Variants in SNCAIP observed in about 807,000 individuals in gnomAD.
SNCAIP encodes synphilin-1.
In SNCAIP, 43 loss-of-function variants were observed where a neutral mutation model predicts 86.7. The observed-to-expected ratio is 0.50, with a 90% CI of 0.39 to 0.64. The LOEUF (loss-of-function observed/expected upper bound fraction) is 0.64, where lower values mean the gene tolerates loss of function less well. SNCAIP is among the 30% of genes least tolerant of loss of function. SNCAIP has a pLI of 0.00. For synonymous variants in SNCAIP, 417 were observed against 427.2 expected (o/e 0.98, Z 0.29); for missense variants, 981 against 1,103.1 (o/e 0.89, Z 1.57).
intron 3 of SNCAIP, among the ~76,000 whole-genome samples, chr5:122,406,731 C>T (rs996853455): frequency 9.9e-5 from 15 of 152,198 alleles, no homozygotes; most frequent in African/African-American, 3.6e-4. Context: ...TTGGAAGCTT[C>T]CTGAGGCTGT....
intron 1 of SNCAIP, among the ~76,000 whole-genome samples, chr5:122,358,157 CTT>C (rs1761417619): frequency 8.5e-6 from 1 of 117,206 alleles, no homozygotes; most frequent in African/African-American, 3.3e-5. Flanking sequence ...AAATTTGTTT[CTT>C]TGTGTGTGTG....
At chr5:122,350,776 G>T (rs974491289) in intron 1 of SNCAIP, among the ~76,000 whole-genome samples, 12 of 152,162 alleles carry the variant, frequency 7.9e-5, no homozygotes, top group African/African-American at 2.9e-4. Context: ...ACCAAAAGTT[G>T]GGCCTCAAAT....
chr5:122,411,361 C>T (rs1049526567), intron 3 of SNCAIP, among the ~76,000 whole-genome samples: 1 of 152,156 alleles, frequency 6.6e-6, no homozygotes, highest in Non-Finnish European at 1.5e-5. Context: ...CCCATCTTCC[C>T]ATACTTTTTA....
chr5:122,345,426 T>C (rs576909226), intron 1 of SNCAIP, among the ~76,000 whole-genome samples: 1 of 152,286 alleles, frequency 6.6e-6, no homozygotes, highest in Non-Finnish European at 1.5e-5. Flanking sequence ...ATCCTAGGGC[T>C]ATGGATTGGG....
At chr5:122,446,357 G>GT (rs998773694) in intron 8 of SNCAIP, among the ~76,000 whole-genome samples, 2 of 152,182 alleles carry the variant, frequency 1.3e-5, no homozygotes, top group Admixed American at 1.3e-4. Flanking sequence ...CCAAAGGAAT[G>GT]TTTTTTCTAA....
At chr5:122,397,656 T>C (rs1285653049) in intron 2 of SNCAIP, among the ~76,000 whole-genome samples, 2 of 152,152 alleles carry the variant, frequency 1.3e-5, no homozygotes, top group East Asian at 3.9e-4. Flanking sequence ...CAGAGTCTAA[T>C]AGAGGTATGA....
chr5:122,440,738 A>G lies in SNCAIP; in HGVS notation c.1406A>G (p.Tyr469Cys), dbSNP rs772180271. ...SAVHVASQHG[Y>C]LGCIQTLVEY... ...GTTCACGTAGCCTCACAGCATGGCTACCTTGGATGCATACAGGTACACAGG... is the reference window on the plus strand; with the variant it reads ...GTTCACGTAGCCTCACAGCATGGCTGCCTTGGATGCATACAGGTACACAGG... Residue 469 changes from tyrosine to cysteine, a missense_variant, in exon 7 of 11, where the codon TAC becomes TGC. Coordinates refer to ENST00000261368, the MANE Select transcript of SNCAIP (RefSeq NM_005460.4). The G allele has an allele frequency of 6.2e-7, 1 of 1,614,096 alleles. No individual in the cohort carries two copies. Among genetic ancestry groups the G allele is most frequent in the Admixed American group, 1.7e-5 (1 of 60,018 alleles).
At chr5:122,417,061 A>C (rs926578253) in intron 3 of SNCAIP, among the ~76,000 whole-genome samples, 3 of 152,216 alleles carry the variant, frequency 2.0e-5, no homozygotes, top group African/African-American at 4.8e-5. Context: ...GTCTCAAGCT[A>C]ATTTTCTAAT....
At chr5:122,343,108 A>AGT (rs1757919239) in intron 1 of SNCAIP, among the ~76,000 whole-genome samples, 2 of 152,350 alleles carry the variant, frequency 1.3e-5, no homozygotes, top group African/African-American at 4.8e-5. Flanking sequence ...CCTCATACCA[A>AGT]CCAGATTTTC....
At chr5:122,390,358 G>T (rs1561648417) in intron 1 of SNCAIP, among the ~76,000 whole-genome samples, 1 of 152,118 alleles carries the variant, frequency 6.6e-6, no homozygotes, top group Non-Finnish European at 1.5e-5. Context: ...GAAGTGGGAG[G>T]TGATGTATCC....
chr5:122,438,919 G>T (rs538415040), intron 6 of SNCAIP, among the ~76,000 whole-genome samples: 2 of 152,294 alleles, frequency 1.3e-5, no homozygotes, highest in African/African-American at 2.4e-5. Context: ...CTGTTTCACT[G>T]GTAGAGGTAC....
At chr5:122,385,110 A>G (rs948832942) in intron 1 of SNCAIP, among the ~76,000 whole-genome samples, 2 of 152,028 alleles carry the variant, frequency 1.3e-5, no homozygotes, top group Admixed American at 6.6e-5. Context: ...GTTATCTCCA[A>G]GGTCTAGATT....
chr5:122,339,510 G>A (rs1757143047), intron 1 of SNCAIP, among the ~76,000 whole-genome samples: 2 of 148,070 alleles, frequency 1.4e-5, no homozygotes, highest in Admixed American at 1.3e-4. Context: ...CAAAGGGGGA[G>A]AGGCAGTTGG....
chr5:122,327,764 T>A, intron 1 of SNCAIP, among the ~76,000 whole-genome samples: 1 of 152,216 alleles, frequency 6.6e-6, no homozygotes, highest in Non-Finnish European at 1.5e-5. Flanking sequence ...CGGACTTATA[T>A]AGGTACATTT....
chr5:122,323,592 A>G (rs550689727), intron 1 of SNCAIP, among the ~76,000 whole-genome samples: 1 of 152,356 alleles, frequency 6.6e-6, no homozygotes, highest in South Asian at 2.1e-4. Context: ...TATTTGAAAA[A>G]GTGGTCTTAC....
chr5:122,403,868 A>C lies in SNCAIP; in HGVS notation c.130+3A>C. On this transcript the variant is annotated splice_donor_region_variant and intron_variant, in intron 3 of 10. Coordinates refer to ENST00000261368, the MANE Select transcript of SNCAIP (RefSeq NM_005460.4). Reference sequence around the variant, plus strand: ...TACGCAAAACGAAGACAGATCAGGTAGGTTTTGCTCCTCCCCTCTTCTCCT... The same window carrying C: ...TACGCAAAACGAAGACAGATCAGGTCGGTTTTGCTCCTCCCCTCTTCTCCT... 6.2e-7 allele frequency: 1 copy of C among 1,612,090 alleles called. No homozygotes were observed. Among genetic ancestry groups the C allele is most frequent in the Non-Finnish European group, 8.5e-7 (1 of 1,178,192 alleles).
At chr5:122,353,254 A>G (rs569079568) in intron 1 of SNCAIP, among the ~76,000 whole-genome samples, 23 of 152,194 alleles carry the variant, frequency 1.5e-4, no homozygotes, top group South Asian at 8.3e-4. Flanking sequence ...TATAAAACCC[A>G]CAAGGCAAAC....
chr5:122,419,299 C>T (rs1446320056), intron 3 of SNCAIP, among the ~76,000 whole-genome samples: 1 of 152,146 alleles, frequency 6.6e-6, no homozygotes, highest in Non-Finnish European at 1.5e-5. Context: ...TCTAAGACTG[C>T]ACCACATGTT....
chr5:122,354,035 T>C (rs144886954), intron 1 of SNCAIP, among the ~76,000 whole-genome samples: 2 of 152,330 alleles, frequency 1.3e-5, no homozygotes, highest in Non-Finnish European at 2.9e-5. Flanking sequence ...ATATTGAGCA[T>C]GTGCCACATC....
Sources: gnomAD v4.1 joint callset for allele counts (sites outside exome capture counted in the v4.1 genomes callset) on GRCh38, gnomAD v4.1.1 for gene constraint, MANE v1.5 for transcripts, NCBI Gene and HGNC (gene_info 2026-07-23, HGNC 2026-07-21) for gene names.